Variants in KCNAB1 observed in about 807,000 individuals in gnomAD.
KCNAB1 encodes the protein potassium voltage-gated channel subfamily A regulatory beta subunit 1.
KCNAB1 carries 35 observed loss-of-function variants against 64.6 expected under a neutral mutation model. The ratio of observed to expected loss-of-function variants is 0.54; its 90% CI spans 0.41 to 0.72. The LOEUF (loss-of-function observed/expected upper bound fraction) is 0.72. Ranked by LOEUF, KCNAB1 falls within the 30% of genes least tolerant of loss-of-function variation. The pLI, the probability that KCNAB1 is intolerant of heterozygous loss-of-function variation, is 0.00. For missense variants in KCNAB1, 401 were observed against 512.9 expected (o/e 0.78, Z 2.11); for synonymous variants, 177 against 183.8 (o/e 0.96, Z 0.30).
At chr3:156,470,012 A>C (rs1322234424) in intron 7 of KCNAB1, among the ~76,000 whole-genome samples, 1 of 152,344 alleles carries the variant, frequency 6.6e-6, no homozygotes, top group Non-Finnish European at 1.5e-5. Context: ...TAAGACAGAA[A>C]GTTCAAATTG....
intron 1 of KCNAB1, among the ~76,000 whole-genome samples, chr3:156,347,957 A>T (rs1016459866): frequency 6.6e-6 from 1 of 152,224 alleles, no homozygotes; most frequent in Non-Finnish European, 1.5e-5. Flanking sequence ...ATACATATGA[A>T]TCATCTAACA....
intron 1 of KCNAB1, among the ~76,000 whole-genome samples, chr3:156,371,850 A>G (rs147244882): frequency 0.013 from 2,024 of 152,346 alleles, 17 homozygotes; most frequent in South Asian, 0.031. Context: ...CACAAAAACT[A>G]CTTTAACAAC....
intron 8 of KCNAB1, among the ~76,000 whole-genome samples, chr3:156,506,088 T>C (rs969034002): frequency 3.9e-5 from 6 of 152,236 alleles, no homozygotes; most frequent in Admixed American, 1.3e-4. Flanking sequence ...GTGGCTATTG[T>C]AAATGATATT....
At chr3:156,331,339 G>A (rs924005259) in intron 1 of KCNAB1, among the ~76,000 whole-genome samples, 1 of 152,158 alleles carries the variant, frequency 6.6e-6, no homozygotes, top group Admixed American at 6.6e-5. Context: ...AATCAGGGGT[G>A]GTGGGGGTGG....
rs1576886451 is a variant in KCNAB1, at chr3:156,453,839, G to A, written c.357+903G>A. On this transcript the variant is annotated intron_variant, in intron 3 of 13. Coordinates refer to ENST00000490337, the MANE Select transcript of KCNAB1 (RefSeq NM_172160.3). ...ACCGACCTGGTTTACTAACATTTAT[G>A]TGTACTAATGGTGGCCACATCAATA... Among the ~76,000 whole-genome samples the A allele has an allele frequency of 2.0e-5, 3 of 152,274 alleles. No homozygotes were observed. In the South Asian group the frequency reaches 6.2e-4, roughly 32 times the overall value.
At chr3:156,236,620 C>T (rs982837202) in intron 1 of KCNAB1, among the ~76,000 whole-genome samples, 1 of 152,138 alleles carries the variant, frequency 6.6e-6, no homozygotes, top group Admixed American at 6.5e-5. Context: ...CAACTTGATA[C>T]TTTGCACTGC....
At chr3:156,482,646 C>T (rs968039387) in intron 8 of KCNAB1, among the ~76,000 whole-genome samples, 9 of 152,020 alleles carry the variant, frequency 5.9e-5, no homozygotes, top group Admixed American at 1.3e-4. Context: ...CTTTCTGTTA[C>T]GAGCCAATTG....
intron 1 of KCNAB1, among the ~76,000 whole-genome samples, chr3:156,139,966 T>A (rs780589023): frequency 3.3e-5 from 5 of 152,236 alleles, no homozygotes; most frequent in African/African-American, 4.8e-5. Context: ...GTACCACTCA[T>A]ACGGCATTAA....
intron 9 of KCNAB1, 29 bp downstream of exon 9, chr3:156,514,478 A>G (rs376866540): frequency 7.3e-6 from 11 of 1,505,358 alleles, no homozygotes; most frequent in African/African-American, 2.8e-5. Flanking sequence ...TTAAATGGCT[A>G]TTGAGTACCT....
In KCNAB1 at chr3:156,465,791, A is replaced by G. The variant is rs1214259967; in HGVS notation, c.571+105A>G. The stretch of plus-strand genomic sequence containing the variant: ...ACACTGGAAGAGGAAAAAGTTCTAT[A>G]TGAAAAGTGCCACAATCAACCAAGT... On this transcript the variant is annotated intron_variant, in intron 7 of 13. Coordinates refer to ENST00000490337, the MANE Select transcript of KCNAB1 (RefSeq NM_172160.3). The G allele has an allele frequency of 1.8e-5, 17 of 922,704 alleles. No individual in the cohort carries two copies. In the Admixed American group the frequency reaches 3.2e-4, roughly 17 times the overall value. 57.2% of individuals were successfully genotyped at this position (922,704 alleles called of 1,614,324 possible). A position where few individuals can be genotyped will look rare whatever the true frequency, so the allele number is the denominator to read the frequency against.
intron 1 of KCNAB1, among the ~76,000 whole-genome samples, chr3:156,163,722 C>T (rs748490108): frequency 2.0e-5 from 3 of 152,178 alleles, no homozygotes; most frequent in Non-Finnish European, 2.9e-5. Context: ...TGTCTTTATT[C>T]TTGTTGATTC....
intron 1 of KCNAB1, among the ~76,000 whole-genome samples, chr3:156,134,883 C>T (rs544141180): frequency 2.6e-5 from 4 of 152,206 alleles, no homozygotes; most frequent in African/African-American, 9.6e-5. Flanking sequence ...AACAGTTTTG[C>T]CTTGGAACTT....
chr3:156,339,770 A>AG (rs1290823282), intron 1 of KCNAB1, among the ~76,000 whole-genome samples: 3 of 152,056 alleles, frequency 2.0e-5, no homozygotes, highest in Admixed American at 6.5e-5. Flanking sequence ...GACCCATTGG[A>AG]GGGGGAGGGG....
chr3:156,270,860 G>C (rs11520515), intron 1 of KCNAB1, among the ~76,000 whole-genome samples: 1 of 151,908 alleles, frequency 6.6e-6, no homozygotes, highest in Non-Finnish European at 1.5e-5. Context: ...AGCATTTCTC[G>C]TGGGACAGGA....
At chr3:156,421,315 TAGA>T in intron 1 of KCNAB1, among the ~76,000 whole-genome samples, 1 of 152,264 alleles carries the variant, frequency 6.6e-6, no homozygotes, top group East Asian at 1.9e-4. Context: ...ACTCAGATTC[TAGA>T]AGGAGAGAGA....
chr3:156,376,861 G>A (rs974552798), intron 1 of KCNAB1, among the ~76,000 whole-genome samples: 1 of 152,160 alleles, frequency 6.6e-6, no homozygotes, highest in African/African-American at 2.4e-5. Context: ...CTAAAGTTGA[G>A]AGAGAAAGTA....
At chr3:156,390,559 TCC>T (rs1712962401) in intron 1 of KCNAB1, among the ~76,000 whole-genome samples, 1 of 151,596 alleles carries the variant, frequency 6.6e-6, no homozygotes, top group African/African-American at 2.4e-5. Flanking sequence ...CTTCCCTCCC[TCC>T]CTCTCTCCTT....
At chr3:156,178,093 C>T (rs1294905683) in intron 1 of KCNAB1, among the ~76,000 whole-genome samples, 1 of 152,168 alleles carries the variant, frequency 6.6e-6, no homozygotes, top group Non-Finnish European at 1.5e-5. Context: ...TAGAGCTCAT[C>T]TTGGGATCCC....
chr3:156,465,547 A>G, intron 6 of KCNAB1, 96 bp from the exon 7 acceptor site: 2 of 1,086,460 alleles, frequency 1.8e-6, no homozygotes, highest in Admixed American at 1.8e-5. Context: ...GAATTTGATA[A>G]GAACAGGGTG....
Sources: allele counts gnomAD v4.1 joint callset (sites outside exome capture counted in the v4.1 genomes callset), GRCh38; gene constraint gnomAD v4.1.1; transcripts MANE v1.5; gene names NCBI Gene and HGNC (gene_info 2026-07-23, HGNC 2026-07-21).